PRKDC: variants seen among roughly 807,000 people sequenced by gnomAD.
PRKDC encodes the protein protein kinase, DNA-activated, catalytic subunit.
A neutral mutation model predicts 486.9 loss-of-function variants in PRKDC; 82 were observed. That is an observed-to-expected ratio of 0.17 (90% confidence interval 0.14 to 0.20). PRKDC has a LOEUF of 0.20. Among genes scored for constraint, PRKDC ranks in the 10% least tolerant of loss-of-function variants. PRKDC has a pLI of 1.00. For synonymous variants in PRKDC, 1,895 were observed against 1,837.0 expected, an observed-to-expected ratio of 1.03 and a Z score of -0.81; for missense variants, 4,504 against 5,038.2, an observed-to-expected ratio of 0.89 and a Z score of 3.21.
intron 25 of PRKDC, among the ~76,000 whole-genome samples, chr8:47,906,171 C>T (rs1279160536): frequency 6.6e-6 from 1 of 152,108 alleles, no homozygotes; most frequent in Non-Finnish European, 1.5e-5. Flanking sequence ...ATAGGAAGAC[C>T]TTGTCTCTCA....
intron 78 of PRKDC, among the ~76,000 whole-genome samples, chr8:47,783,433 C>A (rs2086733327): frequency 6.6e-6 from 1 of 151,458 alleles, no homozygotes; most frequent in Non-Finnish European, 1.5e-5. Context: ...ACTAAAAATT[C>A]AAAAAACAGA....
chr8:47,855,480 G>A lies in PRKDC; in HGVS notation c.6610-107C>T, dbSNP rs998527280. The A allele has an allele frequency of 2.1e-5, 25 of 1,182,116 alleles. No individual in the cohort carries two copies. In the Admixed American group the frequency reaches 2.3e-4, roughly 11 times the overall value. 73.2% of individuals were successfully genotyped at this position (1,182,116 alleles called of 1,614,324 possible). On this transcript the variant is annotated intron_variant, in intron 49 of 85. Coordinates refer to ENST00000314191, the MANE Select transcript of PRKDC (RefSeq NM_006904.7). ...GAAATCTGGCATTTTACAGGAGTCC[G>A]GCTCCTGTTGAAAGCCCTGTGATTT... is the stretch of plus-strand genomic sequence containing the variant.
chr8:47,791,844 C>T (rs892393902), intron 74 of PRKDC, among the ~76,000 whole-genome samples: 2 of 152,154 alleles, frequency 1.3e-5, no homozygotes, highest in African/African-American at 4.8e-5. Flanking sequence ...AGAAATCCCA[C>T]TACTGGATAT....
intron 80 of PRKDC, among the ~76,000 whole-genome samples, chr8:47,780,355 G>A (rs941821596): frequency 1.3e-5 from 2 of 152,138 alleles, no homozygotes; most frequent in African/African-American, 4.8e-5. Context: ...AAATGACAAT[G>A]GATGTTTAAG....
At position 47,809,562 on chromosome 8, in the gene PRKDC, CCAGA is replaced by C. The variant is rs2087286739; in HGVS notation, c.9558-2240_9558-2237del. Among the ~76,000 whole-genome samples the C allele has an allele frequency of 1.3e-5, 2 of 152,020 alleles. 1 individual carries two copies. The highest frequency in any genetic ancestry group is 4.8e-5 in the African/African-American group (2 of 41,362). On this transcript the variant is annotated intron_variant, in intron 68 of 85. Transcript: ENST00000314191. ...TAGGAGTGGAGTTGACAAGGGAGTC[CCAGA>C]CAGAGGGAACAAATTAAACAAAGGC...
intron 46 of PRKDC, among the ~76,000 whole-genome samples, chr8:47,859,189 T>C (rs764428945): frequency 3.9e-5 from 6 of 152,200 alleles, no homozygotes; most frequent in Admixed American, 6.5e-5. Context: ...CCCAAGTACA[T>C]AGTCCCCGTC....
chr8:47,778,758 C>T lies in PRKDC; in HGVS notation c.11621G>A (p.Arg3874Gln), dbSNP rs1177923241. ...GAGATCAGCAGGCACTTTACTTTCT[C>T]GTTTTCTAAAAGACGTGACTGTTTC... Reference protein sequence around the residue: ...RTETVTSFRKRESKVPADLLK... With the variant: ...RTETVTSFRKQESKVPADLLK... Residue 3874 changes from arginine to glutamine, a missense_variant, in exon 82 of 86, where the codon CGA becomes CAA. By Grantham distance (43) the Arg-to-Gln change is conservative. This residue lies in a region of PRKDC where 706 missense variants were observed against 945.0 expected (regional missense o/e 0.75). Coordinates refer to ENST00000314191, the MANE Select transcript of PRKDC (RefSeq NM_006904.7). The T allele has an allele frequency of 6.2e-7, 1 of 1,613,730 alleles. No homozygotes were observed. The highest frequency in any genetic ancestry group is 8.5e-7 in the Non-Finnish European group (1 of 1,179,794).
rs754012060 is a variant in PRKDC, at chr8:47,803,284, T to A, written c.9922+22A>T. Reference sequence around the variant, plus strand: ...ATAACACAGCCCTTTAAGATATAAGTGGATAAAAGCGGTCAACTTACCCAA... The same window carrying A: ...ATAACACAGCCCTTTAAGATATAAGAGGATAAAAGCGGTCAACTTACCCAA... On this transcript the variant is annotated intron_variant, in intron 70 of 85. Coordinates refer to ENST00000314191, the MANE Select transcript of PRKDC (RefSeq NM_006904.7). 12 of 1,586,478 alleles carry A rather than the reference T, an allele frequency of 7.6e-6. No individual in the cohort carries two copies. In the East Asian group the frequency reaches 2.7e-4, roughly 36 times the overall value.
chr8:47,893,176 G>A lies in PRKDC; in HGVS notation c.3810C>T (p.Phe1270=), dbSNP rs1223523921. ...GCGCTCCTACAGTTCTCTCGCCAAT[G>A]AACGTGTTGTAGCACTCCAACGCGG... ...LLAALECYNT[F]IGERTVGALQ... The change falls in exon 31 of 86, where the codon TTC becomes TTT. Residue 1270 remains phenylalanine, a synonymous_variant. Transcript: ENST00000314191. 2.5e-6 allele frequency: 4 copies of A among 1,612,550 alleles called. No individual in the cohort carries two copies. Among genetic ancestry groups the A allele is most frequent in the East Asian group, 2.2e-5 (1 of 44,850 alleles).
chr8:47,900,086 T>G (rs8178076), intron 28 of PRKDC, among the ~76,000 whole-genome samples: 3,920 of 152,328 alleles, frequency 0.026, 74 homozygotes, highest in Non-Finnish European at 0.041. Flanking sequence ...AGCATCATAG[T>G]GTCTGACTGG....
intron 80 of PRKDC, among the ~76,000 whole-genome samples, chr8:47,780,354 T>C (rs908127463): frequency 6.6e-6 from 1 of 152,224 alleles, no homozygotes; most frequent in Non-Finnish European, 1.5e-5. Context: ...TAAATGACAA[T>C]GGATGTTTAA....
chr8:47,862,266 C>G, intron 43 of PRKDC, 107 bp downstream of exon 43: 1 of 1,375,596 alleles, frequency 7.3e-7, no homozygotes, highest in Non-Finnish European at 9.9e-7. Context: ...ATTAAACGAA[C>G]CACATCTTTA....
chr8:47,927,292 T>C lies in PRKDC; in HGVS notation c.2321A>G (p.Glu774Gly). ...PLAEVGLNAL[E>G]EWSIYIDRHV... ...TCTGTCAATATAAATTGACCATTCTTCTAGAGCATTCAGGCCTACTTCTGC... is the reference window on the plus strand; with the variant it reads ...TCTGTCAATATAAATTGACCATTCTCCTAGAGCATTCAGGCCTACTTCTGC... Residue 774 changes from glutamate (E) to glycine (G), a missense_variant, in exon 21 of 86, where the codon GAA (glutamate) becomes GGA (glycine). Glu to Gly is a moderately conservative substitution (Grantham distance 98). This residue lies in a region of PRKDC where 1,969 missense variants were observed against 2,068.9 expected (regional missense o/e 0.95). Transcript: ENST00000314191. 1.2e-6 allele frequency: 2 copies of C among 1,613,794 alleles called. No individual in the cohort carries two copies. The highest frequency in any genetic ancestry group is 2.2e-5 in the East Asian group (1 of 44,876).
chr8:47,847,897 A>AT (rs1400494547), intron 54 of PRKDC, among the ~76,000 whole-genome samples: 1 of 151,306 alleles, frequency 6.6e-6, no homozygotes, highest in African/African-American at 2.4e-5. Context: ...ATATATATAT[A>AT]AAAGTCATCA....
intron 17 of PRKDC, 77 bp from the exon 18 acceptor site, chr8:47,930,089 C>T (rs1410739095): frequency 3.4e-5 from 44 of 1,280,750 alleles, no homozygotes; most frequent in African/African-American, 4.5e-5. Flanking sequence ...CATAATCGAA[C>T]AACTAAGCTA....
At chr8:47,842,074 AC>A (rs1340022382) in intron 54 of PRKDC, among the ~76,000 whole-genome samples, 1 of 152,066 alleles carries the variant, frequency 6.6e-6, no homozygotes, top group African/African-American at 2.4e-5. Context: ...AGCACAGAGG[AC>A]CAGTGGGCCT....
chr8:47,859,706 C>T lies in PRKDC; in HGVS notation c.6112G>A (p.Glu2038Lys), dbSNP rs1478108725. The change falls in exon 46 of 86, where the codon GAG becomes AAG. Residue 2038 changes from glutamate to lysine, a missense_variant. Transcript: ENST00000314191. ...GAGAAATCAAATTGACTCATTTCCT[C>T]ACTCAGGGTACTGTCTGCCAAATAT... ...LSYLADSTLS[E>K]EMSQFDFSTG... 2.5e-6 allele frequency: 4 copies of T among 1,613,762 alleles called. No individual in the cohort carries two copies.
intron 77 of PRKDC, 111 bp downstream of exon 77, chr8:47,785,002 A>G: frequency 9.1e-7 from 1 of 1,098,910 alleles, no homozygotes; most frequent in Non-Finnish European, 1.3e-6. Context: ...ATTCTTTAAA[A>G]AAAGAAATAA....
intron 40 of PRKDC, among the ~76,000 whole-genome samples, chr8:47,865,436 C>A (rs996286805): frequency 3.3e-5 from 5 of 151,912 alleles, no homozygotes; most frequent in Admixed American, 1.3e-4. Context: ...TTTCTCCCTA[C>A]CAGTGAACCA....
Sources: allele counts gnomAD v4.1 joint callset (sites outside exome capture counted in the v4.1 genomes callset), GRCh38; gene constraint gnomAD v4.1.1; regional missense constraint gnomAD v4.1.1; transcripts MANE v1.5; gene names NCBI Gene and HGNC (gene_info 2026-07-23, HGNC 2026-07-21).